RANBP3: variants seen among roughly 807,000 people sequenced by gnomAD.
RANBP3 encodes ran-binding protein 3.
Under a neutral mutation model 77.3 loss-of-function variants are expected in RANBP3, and 14 were observed. That is an observed-to-expected ratio of 0.18 (90% CI 0.12 to 0.28). RANBP3 has a LOEUF of 0.28. RANBP3 is among the 10% of genes least tolerant of loss of function. The pLI, the probability that RANBP3 is intolerant of heterozygous loss-of-function variation, is 1.00. For missense variants in RANBP3, 586 were observed against 752.3 expected (o/e 0.78, Z 2.59); for synonymous variants, 315 against 312.4 (o/e 1.01, Z -0.09).
intron 3 of RANBP3, among the ~76,000 whole-genome samples, chr19:5,945,050 C>G (rs924266713): frequency 6.6e-6 from 1 of 152,198 alleles, no homozygotes; most frequent in African/African-American, 2.4e-5. Flanking sequence ...GAGGTGACCT[C>G]CAGGCCCCTT....
chr19:5,936,856 G>A (rs373892489), intron 5 of RANBP3, among the ~76,000 whole-genome samples: 1 of 151,952 alleles, frequency 6.6e-6, no homozygotes, highest in Non-Finnish European at 1.5e-5. Context: ...AGAAGGGCAA[G>A]CTCCTCCTTC....
At chr19:5,977,901 G>A (rs1400300961) in intron 1 of RANBP3, among the ~76,000 whole-genome samples, 160 bp downstream of exon 1, 1 of 152,176 alleles carries the variant, frequency 6.6e-6, no homozygotes, top group African/African-American at 2.4e-5. Flanking sequence ...CCGGCCTGAG[G>A]GGACGCAATA....
At chr19:5,937,083 A>G (rs75421422) in intron 5 of RANBP3, among the ~76,000 whole-genome samples, 2 of 146,594 alleles carry the variant, frequency 1.4e-5, no homozygotes, top group Non-Finnish European at 3.0e-5. Flanking sequence ...AAAAAAAAAA[A>G]AGGAAGAAAA....
intron 1 of RANBP3, among the ~76,000 whole-genome samples, chr19:5,971,111 G>A (rs2058525276): frequency 6.6e-6 from 1 of 152,156 alleles, no homozygotes; most frequent in African/African-American, 2.4e-5. Flanking sequence ...ATCCCCAAGA[G>A]CTTTTGGAAA....
intron 3 of RANBP3, among the ~76,000 whole-genome samples, chr19:5,943,729 G>A (rs2058168067): frequency 6.6e-6 from 1 of 152,216 alleles, no homozygotes; most frequent in African/African-American, 2.4e-5. Context: ...CCAAGGGACT[G>A]TACGAGTGAG....
chr19:5,934,266 T>C (rs928164896), intron 5 of RANBP3: 1 of 152,230 alleles, frequency 6.6e-6, no homozygotes, highest in Non-Finnish European at 1.5e-5. Flanking sequence ...ACAGGAAGGA[T>C]TGTCATAAAA....
At chr19:5,934,526 A>G (rs1379675765) in intron 5 of RANBP3, 2 of 152,292 alleles carry the variant, frequency 1.3e-5, no homozygotes, top group Admixed American at 1.3e-4. Flanking sequence ...TACATTTCAC[A>G]AGATAAAACT....
At chr19:5,920,633 C>T (rs1006172400) in intron 14 of RANBP3, among the ~76,000 whole-genome samples, 5 of 152,140 alleles carry the variant, frequency 3.3e-5, no homozygotes, top group African/African-American at 4.8e-5. Context: ...CTGCAATCTC[C>T]GTCTCCCAAG....
intron 1 of RANBP3, among the ~76,000 whole-genome samples, chr19:5,969,575 T>C (rs2058507046): frequency 6.6e-6 from 1 of 152,266 alleles, no homozygotes; most frequent in South Asian, 2.1e-4. Flanking sequence ...TGCAGTGCCC[T>C]ACGCGGGTCA....
intron 1 of RANBP3, chr19:5,974,298 T>C (rs1044137988): frequency 6.6e-6 from 1 of 152,218 alleles, no homozygotes; most frequent in African/African-American, 2.4e-5. Flanking sequence ...GGGCCTTTCA[T>C]GTCAGGATCT....
chr19:5,966,155 T>C (rs919817889), intron 1 of RANBP3, among the ~76,000 whole-genome samples: 1 of 152,190 alleles, frequency 6.6e-6, no homozygotes, highest in East Asian at 1.9e-4. Flanking sequence ...ACACATACAC[T>C]CTTCCCTTTA....
intron 14 of RANBP3, among the ~76,000 whole-genome samples, chr19:5,920,049 C>A (rs1158492213): frequency 1.3e-5 from 2 of 152,122 alleles, no homozygotes; most frequent in South Asian, 2.1e-4. Context: ...TACTGCTGGG[C>A]CTGAAACCCA....
chr19:5,972,226 G>A (rs2058538881), intron 1 of RANBP3, among the ~76,000 whole-genome samples: 2 of 152,208 alleles, frequency 1.3e-5, no homozygotes, highest in South Asian at 4.1e-4. Context: ...ATCTCCAATG[G>A]TGCAGCCCAG....
At chr19:5,976,143 G>C (rs2058588329) in intron 1 of RANBP3, among the ~76,000 whole-genome samples, 1 of 152,144 alleles carries the variant, frequency 6.6e-6, no homozygotes, top group Non-Finnish European at 1.5e-5. Flanking sequence ...TCAAGGTTTG[G>C]GGCCAGAAGA....
chr19:5,977,726 T>C (rs1027864559), intron 1 of RANBP3, among the ~76,000 whole-genome samples: 6 of 152,146 alleles, frequency 3.9e-5, no homozygotes, highest in Admixed American at 3.9e-4. Context: ...TCTATTTACA[T>C]CCGTGGCCGA....
At chr19:5,933,159 G>C (rs757441) in intron 6 of RANBP3, 1 of 447,686 alleles carries the variant, frequency 2.2e-6, no homozygotes. Flanking sequence ...CATGGAGCCC[G>C]CCCGATGCAC....
intron 5 of RANBP3, among the ~76,000 whole-genome samples, chr19:5,940,721 C>G (rs1319570944): frequency 6.6e-6 from 1 of 152,182 alleles, no homozygotes; most frequent in Non-Finnish European, 1.5e-5. Context: ...GTTGGGTAAC[C>G]AGAGAACCTG....
At chr19:5,967,520 C>T (rs1333030897) in intron 1 of RANBP3, among the ~76,000 whole-genome samples, 1 of 152,136 alleles carries the variant, frequency 6.6e-6, no homozygotes, top group Non-Finnish European at 1.5e-5. Flanking sequence ...ATAGACGCAT[C>T]CCCATGACAT....
chr19:5,966,410 A>G (rs2058468468), intron 1 of RANBP3, among the ~76,000 whole-genome samples: 1 of 152,182 alleles, frequency 6.6e-6, no homozygotes, highest in Non-Finnish European at 1.5e-5. Context: ...CAAGGCACAC[A>G]CTCAATGGTG....
Sources: allele counts gnomAD v4.1 joint callset (sites outside exome capture counted in the v4.1 genomes callset), GRCh38; gene constraint gnomAD v4.1.1; transcripts MANE v1.5; gene names NCBI Gene and HGNC (gene_info 2026-07-23, HGNC 2026-07-21).